The following IMMP2L variants were observed in gnomAD, a reference collection of about 807,000 sequenced individuals.
IMMP2L encodes inner mitochondrial membrane peptidase subunit 2.
IMMP2L carries 18 observed loss-of-function variants against 19.3 expected under a neutral mutation model. The ratio of observed to expected loss-of-function variants is 0.93; its 90% CI spans 0.64 to 1.38. The LOEUF (loss-of-function observed/expected upper bound fraction) is 1.38, where lower values mean the gene tolerates loss of function less well. IMMP2L is among the 40% of genes most tolerant of loss of function. IMMP2L has a pLI of 0.00. For missense variants in IMMP2L, 233 were observed against 218.2 expected (o/e 1.07, Z -0.43); for synonymous variants, 76 against 73.0 (o/e 1.04, Z -0.21).
chr7:110,906,935 C>T (rs1276723868), intron 4 of IMMP2L, among the ~76,000 whole-genome samples: 1 of 152,078 alleles, frequency 6.6e-6, no homozygotes, highest in Non-Finnish European at 1.5e-5. Flanking sequence ...CCACAGCTCT[C>T]AACCACTTGC....
intron 3 of IMMP2L, among the ~76,000 whole-genome samples, chr7:111,000,164 C>G (rs1349488296): frequency 6.6e-6 from 1 of 152,122 alleles, no homozygotes; most frequent in Non-Finnish European, 1.5e-5. Flanking sequence ...GGAATGGAGG[C>G]AATTTCAATT....
At chr7:111,126,925 C>A (rs1040872238) in intron 3 of IMMP2L, among the ~76,000 whole-genome samples, 3 of 152,152 alleles carry the variant, frequency 2.0e-5, no homozygotes, top group African/African-American at 7.2e-5. Flanking sequence ...ATAAACATTT[C>A]CAGCACTGTA....
chr7:110,824,433 T>C (rs527312689), intron 5 of IMMP2L, among the ~76,000 whole-genome samples: 163 of 152,252 alleles, frequency 1.1e-3, no homozygotes, highest in Middle Eastern at 3.4e-3. Flanking sequence ...CTATTTTTAA[T>C]GTTTGCAAAA....
intron 3 of IMMP2L, among the ~76,000 whole-genome samples, chr7:111,096,091 T>C (rs1332066997): frequency 1.3e-5 from 2 of 152,022 alleles, no homozygotes; most frequent in African/African-American, 2.4e-5. Flanking sequence ...GGATACAAAA[T>C]ATAAACACAA....
intron 4 of IMMP2L, among the ~76,000 whole-genome samples, chr7:110,903,124 C>G (rs546632346): frequency 7.9e-4 from 120 of 152,206 alleles, no homozygotes; most frequent in Non-Finnish European, 1.4e-3. Context: ...AAATTCAATA[C>G]AATTAGGTTC....
At chr7:111,531,103 C>T (rs954844688) in intron 1 of IMMP2L, among the ~76,000 whole-genome samples, 1 of 151,820 alleles carries the variant, frequency 6.6e-6, no homozygotes, top group African/African-American at 2.4e-5. Flanking sequence ...AGGCGCCCAC[C>T]ACCACGCCCG....
rs533760555 is a variant in IMMP2L at position 110,747,305 on chromosome 7, G to A, written c.409-83584C>T. Among the ~76,000 whole-genome samples the A allele has an allele frequency of 4.6e-5, 7 of 152,186 alleles. No homozygotes were observed. The South Asian group carries it at 6.2e-4, about 14-fold the overall frequency. On this transcript the variant is annotated intron_variant, in intron 5 of 5. Transcript: ENST00000405709. The stretch of plus-strand genomic sequence containing the variant: ...TCCGAGAACTGATGGATTCATAGCC[G>A]AATTCTACCAGAGGTACAAAGAGGA...
chr7:111,319,373 C>T (rs1373495543), intron 3 of IMMP2L, among the ~76,000 whole-genome samples: 7 of 152,058 alleles, frequency 4.6e-5, no homozygotes, highest in Non-Finnish European at 7.4e-5. Flanking sequence ...TTATAGATTT[C>T]TCCAATATGT....
chr7:110,908,118 G>T (rs1038144792), intron 4 of IMMP2L, among the ~76,000 whole-genome samples: 2 of 152,090 alleles, frequency 1.3e-5, no homozygotes, highest in Non-Finnish European at 2.9e-5. Context: ...TTCAGAGCAG[G>T]TATTTCTAAG....
rs1825166180 is a variant in IMMP2L at position 111,325,059 on chromosome 7, C to T, written c.239+162179G>A. On this transcript the variant is annotated intron_variant, in intron 3 of 5. Coordinates refer to ENST00000405709, the MANE Select transcript of IMMP2L (RefSeq NM_032549.4). ...GTGTTCTCTGAATTTATGAGATTTG[C>T]AAATGCCATCTCATAGAGAATGCAA... Among the ~76,000 whole-genome samples the T allele has an allele frequency of 3.3e-5, 5 of 151,818 alleles. No homozygotes were observed. In the South Asian group the frequency reaches 1.0e-3, roughly 32 times the overall value.
chr7:111,013,926 T>A (rs185150950), intron 3 of IMMP2L, among the ~76,000 whole-genome samples: 52 of 152,194 alleles, frequency 3.4e-4, no homozygotes, highest in Admixed American at 3.1e-3. Flanking sequence ...AAAAGTTCCC[T>A]CATATCAAGG....
chr7:111,539,646 A>G (rs1007310899), intron 1 of IMMP2L, among the ~76,000 whole-genome samples: 3 of 151,476 alleles, frequency 2.0e-5, no homozygotes, highest in Non-Finnish European at 4.4e-5. Flanking sequence ...TTTTTTTTCA[A>G]TAATGGAATT....
intron 3 of IMMP2L, among the ~76,000 whole-genome samples, chr7:111,049,200 G>A (rs1792764333): frequency 7.7e-6 from 1 of 129,544 alleles, no homozygotes; most frequent in Admixed American, 9.9e-5. Context: ...GCGTCATCTC[G>A]GCTCACTGCA....
At chr7:111,300,655 C>G (rs983458547) in intron 3 of IMMP2L, among the ~76,000 whole-genome samples, 4 of 152,120 alleles carry the variant, frequency 2.6e-5, no homozygotes, top group Non-Finnish European at 5.9e-5. Context: ...CTCCGGGCAA[C>G]CATTTCATAA....
intron 5 of IMMP2L, among the ~76,000 whole-genome samples, chr7:110,674,464 C>T (rs1792146108): frequency 6.6e-6 from 1 of 152,104 alleles, no homozygotes; most frequent in Admixed American, 6.5e-5. Context: ...CTTTTAAATC[C>T]ATTTGATTAA....
chr7:111,019,411 C>T (rs899307144), intron 3 of IMMP2L, among the ~76,000 whole-genome samples: 1 of 152,084 alleles, frequency 6.6e-6, no homozygotes, highest in Non-Finnish European at 1.5e-5. Context: ...AGAGCAGCCC[C>T]GCAGCAGGGA....
chr7:111,196,938 A>G (rs1157592841), intron 3 of IMMP2L, among the ~76,000 whole-genome samples: 2 of 152,192 alleles, frequency 1.3e-5, no homozygotes, highest in Admixed American at 6.5e-5. Context: ...CTGAATAGGT[A>G]TATCAATTTA....
chr7:111,376,792 C>T (rs775531791), intron 3 of IMMP2L, among the ~76,000 whole-genome samples: 1 of 152,006 alleles, frequency 6.6e-6, no homozygotes, highest in Non-Finnish European at 1.5e-5. Context: ...AGAAGTCGGT[C>T]ACAAAGAACC....
chr7:111,309,367 GTAT>G (rs1336212995), intron 3 of IMMP2L, among the ~76,000 whole-genome samples: 1 of 152,078 alleles, frequency 6.6e-6, no homozygotes, highest in African/African-American at 2.4e-5. Flanking sequence ...GTTTGGATGA[GTAT>G]TATAAGTAAA....
Sources: gnomAD v4.1 joint callset for allele counts (sites outside exome capture counted in the v4.1 genomes callset) on GRCh38, gnomAD v4.1.1 for gene constraint, MANE v1.5 for transcripts, NCBI Gene and HGNC (gene_info 2026-07-23, HGNC 2026-07-21) for gene names.